The following ATXN1 variants were observed in gnomAD, a reference collection of about 807,000 sequenced individuals.
ATXN1 encodes the protein ataxin-1.
A neutral mutation model predicts 56.4 loss-of-function variants in ATXN1; 8 were observed. The observed-to-expected ratio is 0.14, with a 90% confidence interval of 0.08 to 0.26. The LOEUF (loss-of-function observed/expected upper bound fraction) is 0.26, where lower values mean the gene tolerates loss of function less well. ATXN1 is among the 10% of genes least tolerant of loss of function. The pLI, the probability that ATXN1 is intolerant of heterozygous loss-of-function variation, is 1.00. For synonymous variants in ATXN1, 514 were observed against 494.6 expected (o/e 1.04, Z -0.52); for missense variants, 987 against 1,106.5 (o/e 0.89, Z 1.53).
At chr6:16,669,531 TC>T (rs1304686942) in intron 2 of ATXN1, among the ~76,000 whole-genome samples, 1 of 152,182 alleles carries the variant, frequency 6.6e-6, no homozygotes. Flanking sequence ...TCTTTTTCCA[TC>T]CGGCAGACCC....
chr6:16,373,313 A>T (rs1425435630), intron 6 of ATXN1, among the ~76,000 whole-genome samples: 1 of 152,204 alleles, frequency 6.6e-6, no homozygotes, highest in African/African-American at 2.4e-5. Context: ...CCACTTATAC[A>T]ATTTTTTACT....
At chr6:16,606,850 G>C (rs1160017814) in intron 3 of ATXN1, among the ~76,000 whole-genome samples, 2 of 33,942 alleles carry the variant, frequency 5.9e-5, no homozygotes, top group Admixed American at 6.0e-4. Context: ...TTGGGGGAAA[G>C]TATACAGTTC....
At chr6:16,411,379 T>G (rs1445074688) in intron 6 of ATXN1, among the ~76,000 whole-genome samples, 1 of 152,130 alleles carries the variant, frequency 6.6e-6, no homozygotes, top group Non-Finnish European at 1.5e-5. Flanking sequence ...CAGTGCAAGA[T>G]CTGTAGTACA....
intron 2 of ATXN1, among the ~76,000 whole-genome samples, chr6:16,706,723 CAAAA>C (rs773199840): frequency 4.9e-5 from 1 of 20,586 alleles, no homozygotes. Flanking sequence ...GACTCCATCT[CAAAA>C]AAAAAAAAAA....
intron 6 of ATXN1, among the ~76,000 whole-genome samples, chr6:16,362,897 C>G (rs906378451): frequency 2.0e-5 from 3 of 152,216 alleles, no homozygotes; most frequent in Admixed American, 6.5e-5. Context: ...AAAGCACTTT[C>G]AGTCTGCTAG....
intron 7 of ATXN1, among the ~76,000 whole-genome samples, chr6:16,318,330 T>C (rs1284027408): frequency 6.6e-6 from 1 of 152,178 alleles, no homozygotes; most frequent in Admixed American, 6.5e-5. Flanking sequence ...ATAAGCTAGG[T>C]TTCAGTAAGT....
In ATXN1 at chr6:16,689,695, T is replaced by C. The variant is rs189667407; in HGVS notation, c.-614-31794A>G. On this transcript the variant is annotated intron_variant, in intron 2 of 7. Coordinates refer to ENST00000436367, the MANE Select transcript of ATXN1 (RefSeq NM_001128164.2). ...TGTTTTGATATAGCTACATATACTA[T>C]AAAATGATTATATTAAGCTGATTAA... Among the ~76,000 whole-genome samples, 58 of 152,188 alleles carry C rather than the reference T, an allele frequency of 3.8e-4. 1 individual carries two copies. In the East Asian group the frequency reaches 0.01, roughly 26 times the overall value.
intron 2 of ATXN1, among the ~76,000 whole-genome samples, chr6:16,742,436 C>A (rs1193854426): frequency 6.6e-6 from 1 of 152,184 alleles, no homozygotes; most frequent in Non-Finnish European, 1.5e-5. Context: ...TTTCTGCCTC[C>A]CCTTGGAACC....
intron 5 of ATXN1, among the ~76,000 whole-genome samples, chr6:16,504,721 C>T (rs1401406593): frequency 1.3e-5 from 2 of 152,104 alleles, no homozygotes; most frequent in African/African-American, 4.8e-5. Flanking sequence ...TGAACTGCTC[C>T]CCACAAAGAC....
intron 6 of ATXN1, among the ~76,000 whole-genome samples, chr6:16,404,247 AAATATT>A (rs1758638509): frequency 6.6e-6 from 1 of 152,180 alleles, no homozygotes; most frequent in Admixed American, 6.5e-5. Context: ...TATACTCTGA[AAATATT>A]TTCTTGGAGA....
chr6:16,760,369 G>A lies in ATXN1; in HGVS notation c.-730+929C>T, dbSNP rs988178419. ...CTCGTCTCCTGCCGCGGGTGCTGGC[G>A]GGGGCGCCGGCCCGGACTGGGGCGC... On this transcript the variant is annotated intron_variant, in intron 1 of 7. Coordinates refer to ENST00000436367, the MANE Select transcript of ATXN1 (RefSeq NM_001128164.2). This position sits in a 1 kb window ranked among gnomAD's most constrained non-coding sequence, Gnocchi z 5.3. Among the ~76,000 whole-genome samples, 8 of 151,640 alleles carry A rather than the reference G, an allele frequency of 5.3e-5. No homozygotes were observed. The highest frequency in any genetic ancestry group is 1.7e-4 in the African/African-American group (7 of 41,354).
At chr6:16,626,330 G>A (rs1763405764) in intron 3 of ATXN1, among the ~76,000 whole-genome samples, 2 of 152,068 alleles carry the variant, frequency 1.3e-5, no homozygotes, top group South Asian at 2.1e-4. Context: ...CTGTTGCCCA[G>A]GCTGGAGTGC....
At chr6:16,555,498 A>C (rs1215698726) in intron 4 of ATXN1, among the ~76,000 whole-genome samples, 1 of 152,096 alleles carries the variant, frequency 6.6e-6, no homozygotes, top group Non-Finnish European at 1.5e-5. Context: ...CAAACTCAAC[A>C]CTAAGGCAGA....
intron 6 of ATXN1, among the ~76,000 whole-genome samples, chr6:16,347,279 G>GT (rs1181342690): frequency 6.6e-6 from 1 of 152,274 alleles, no homozygotes; most frequent in Non-Finnish European, 1.5e-5. Flanking sequence ...GATCCACTAG[G>GT]TGAAGCCAGC....
chr6:16,493,649 T>C (rs1760713789), intron 5 of ATXN1, among the ~76,000 whole-genome samples: 2 of 152,184 alleles, frequency 1.3e-5, no homozygotes, highest in Admixed American at 1.3e-4. Flanking sequence ...TCGCAAATGA[T>C]AACTCTTTGA....
intron 2 of ATXN1, among the ~76,000 whole-genome samples, chr6:16,733,231 C>G (rs546491059): frequency 3.9e-5 from 6 of 152,188 alleles, no homozygotes; most frequent in Admixed American, 2.6e-4. Context: ...CATTGGTTCC[C>G]AAAAATGTTT....
At chr6:16,602,279 C>T (rs1292088963) in intron 3 of ATXN1, among the ~76,000 whole-genome samples, 1 of 152,082 alleles carries the variant, frequency 6.6e-6, no homozygotes, top group African/African-American at 2.4e-5. Flanking sequence ...TCAACTTGAA[C>T]ACCAGTGAAA....
intron 6 of ATXN1, among the ~76,000 whole-genome samples, chr6:16,476,265 T>C (rs1396903021): frequency 1.3e-5 from 2 of 152,174 alleles, no homozygotes; most frequent in African/African-American, 4.8e-5. Context: ...TTACTGTGTA[T>C]CTAGCTAGGT....
intron 6 of ATXN1, among the ~76,000 whole-genome samples, chr6:16,362,659 G>A (rs1450901719): frequency 6.6e-6 from 1 of 152,174 alleles, no homozygotes; most frequent in African/African-American, 2.4e-5. Context: ...GACACTTTCG[G>A]AGCCTGTAAG....
Sources: allele counts gnomAD v4.1 joint callset (sites outside exome capture counted in the v4.1 genomes callset), GRCh38; gene constraint gnomAD v4.1.1; non-coding constraint Gnocchi (gnomAD v3.1); transcripts MANE v1.5; gene names NCBI Gene and HGNC (gene_info 2026-07-23, HGNC 2026-07-21).